Variants in SPOCK1 observed in about 807,000 individuals in gnomAD.
The protein encoded by SPOCK1 is SPARC (osteonectin), cwcv and kazal like domains proteoglycan 1, also known as testican-1.
In SPOCK1, 23 loss-of-function variants were observed where a neutral mutation model predicts 55.3. The ratio of observed to expected loss-of-function variants is 0.42; its 90% confidence interval spans 0.30 to 0.59. SPOCK1 has a LOEUF of 0.59. Ranked by LOEUF, SPOCK1 falls within the 20% of genes least tolerant of loss-of-function variation. SPOCK1 has a pLI of 0.22. For missense variants in SPOCK1, 499 were observed against 552.5 expected, an observed-to-expected ratio of 0.90 and a Z score of 0.97; for synonymous variants, 226 against 221.0, an observed-to-expected ratio of 1.02 and a Z score of -0.20.
At chr5:137,169,231 C>CA (rs1179858337) in intron 3 of SPOCK1, among the ~76,000 whole-genome samples, 3 of 151,344 alleles carry the variant, frequency 2.0e-5, no homozygotes, top group South Asian at 4.2e-4. Flanking sequence ...TAAATAGGCA[C>CA]AAAAAAATGT....
intron 2 of SPOCK1, among the ~76,000 whole-genome samples, chr5:137,355,247 C>T (rs1262996427): frequency 1.3e-5 from 2 of 152,188 alleles, no homozygotes; most frequent in Non-Finnish European, 2.9e-5. Flanking sequence ...GGCTGAAGTG[C>T]AGTGGCACTA....
At chr5:137,294,943 A>C (rs776057262) in intron 2 of SPOCK1, among the ~76,000 whole-genome samples, 3 of 152,088 alleles carry the variant, frequency 2.0e-5, no homozygotes, top group Non-Finnish European at 2.9e-5. Flanking sequence ...AAGAAGACCA[A>C]ACTCCTCTTT....
chr5:136,991,425 GCCAAAAATAA>G (rs948200535), intron 7 of SPOCK1, among the ~76,000 whole-genome samples: 9 of 152,110 alleles, frequency 5.9e-5, no homozygotes, highest in African/African-American at 2.2e-4. Context: ...GCTATGAGCA[GCCAAAAATAA>G]CTAAAAATTA....
intron 3 of SPOCK1, among the ~76,000 whole-genome samples, chr5:137,201,284 C>T (rs1755420880): frequency 6.6e-6 from 1 of 152,160 alleles, no homozygotes; most frequent in Non-Finnish European, 1.5e-5. Flanking sequence ...ACAAAACAGT[C>T]CTAATAAGAT....
intron 2 of SPOCK1, among the ~76,000 whole-genome samples, chr5:137,371,354 G>C (rs543676465): frequency 6.6e-6 from 1 of 152,200 alleles, no homozygotes; most frequent in Non-Finnish European, 1.5e-5. Flanking sequence ...AAATACATGA[G>C]AAGCACTTAG....
At chr5:137,183,147 T>G (rs1339064653) in intron 3 of SPOCK1, among the ~76,000 whole-genome samples, 1 of 152,136 alleles carries the variant, frequency 6.6e-6, no homozygotes, top group Non-Finnish European at 1.5e-5. Flanking sequence ...TCCATCAATC[T>G]CATTAATCTT....
At chr5:137,343,970 G>C (rs1320704820) in intron 2 of SPOCK1, among the ~76,000 whole-genome samples, 1 of 152,096 alleles carries the variant, frequency 6.6e-6, no homozygotes, top group East Asian at 1.9e-4. Flanking sequence ...ACCAGGCTAG[G>C]GTCCACAGGA....
intron 3 of SPOCK1, among the ~76,000 whole-genome samples, chr5:137,194,278 G>A (rs1362985362): frequency 6.6e-6 from 1 of 152,216 alleles, no homozygotes; most frequent in African/African-American, 2.4e-5. Context: ...CTCATCATGA[G>A]GGGACAGAGT....
At chr5:137,212,028 A>T (rs1755627946) in intron 3 of SPOCK1, among the ~76,000 whole-genome samples, 1 of 152,208 alleles carries the variant, frequency 6.6e-6, no homozygotes, top group Non-Finnish European at 1.5e-5. Context: ...GAAGAGGGTT[A>T]TGGGAACCCC....
intron 3 of SPOCK1, among the ~76,000 whole-genome samples, chr5:137,147,132 G>A (rs1435975507): frequency 6.6e-6 from 1 of 152,132 alleles, no homozygotes; most frequent in Non-Finnish European, 1.5e-5. Flanking sequence ...ATTGATAACA[G>A]CCTTTTTTGG....
chr5:137,134,094 C>G (rs1456870214), intron 4 of SPOCK1, among the ~76,000 whole-genome samples: 1 of 152,200 alleles, frequency 6.6e-6, no homozygotes, highest in Non-Finnish European at 1.5e-5. Flanking sequence ...GTGCAGTGAC[C>G]TCCACTGTGG....
At chr5:137,364,309 C>T (rs745581146) in intron 2 of SPOCK1, among the ~76,000 whole-genome samples, 17 of 152,190 alleles carry the variant, frequency 1.1e-4, no homozygotes, top group African/African-American at 1.7e-4. Context: ...TGTTGGGGAG[C>T]GGGGTGACGT....
intron 2 of SPOCK1, among the ~76,000 whole-genome samples, chr5:137,443,255 T>C (rs1462126398): frequency 6.6e-6 from 1 of 152,184 alleles, no homozygotes; most frequent in Non-Finnish European, 1.5e-5. Context: ...CAGCATAGTA[T>C]GTGAATCATA....
At chr5:137,120,969 G>C (rs1218790491) in intron 4 of SPOCK1, among the ~76,000 whole-genome samples, 1 of 152,160 alleles carries the variant, frequency 6.6e-6, no homozygotes, top group East Asian at 1.9e-4. Flanking sequence ...GAGATGAAGA[G>C]GTGAGATCAA....
chr5:137,299,888 G>GT (rs1437543812), intron 2 of SPOCK1, among the ~76,000 whole-genome samples: 1 of 151,910 alleles, frequency 6.6e-6, no homozygotes, highest in Non-Finnish European at 1.5e-5. Context: ...AGATTTCTTT[G>GT]TATATATCCT....
chr5:137,064,582 G>C (rs11747770), intron 6 of SPOCK1, among the ~76,000 whole-genome samples: 36,186 of 152,068 alleles, frequency 0.24, 4,458 homozygotes, highest in Admixed American at 0.25. Context: ...CAGGTAAGGG[G>C]AGGTGGACTG....
chr5:137,208,959 GT>G (rs781652270), intron 3 of SPOCK1, among the ~76,000 whole-genome samples: 11 of 151,972 alleles, frequency 7.2e-5, no homozygotes, highest in Non-Finnish European at 1.5e-4. Context: ...CTGTCTGACT[GT>G]AAAACCCAGT....
chr5:137,286,672 T>A (rs1188266935), intron 2 of SPOCK1, among the ~76,000 whole-genome samples: 1 of 151,894 alleles, frequency 6.6e-6, no homozygotes, highest in Non-Finnish European at 1.5e-5. Flanking sequence ...TAGAATAGAG[T>A]CTGAGTGTGT....
intron 3 of SPOCK1, among the ~76,000 whole-genome samples, chr5:137,164,904 T>C (rs1242186759): frequency 2.0e-5 from 3 of 152,138 alleles, no homozygotes; most frequent in Non-Finnish European, 4.4e-5. Flanking sequence ...TGCAGTAAAA[T>C]AGAACACTAG....
Sources: gnomAD v4.1 joint callset for allele counts (sites outside exome capture counted in the v4.1 genomes callset) on GRCh38, gnomAD v4.1.1 for gene constraint, MANE v1.5 for transcripts, NCBI Gene and HGNC (gene_info 2026-07-23, HGNC 2026-07-21) for gene names.